ZBTB11: variants seen among roughly 807,000 people sequenced by gnomAD.
The protein encoded by ZBTB11 is zinc finger and BTB domain containing 11.
A neutral mutation model predicts 113.1 loss-of-function variants in ZBTB11; 68 were observed. That is an observed-to-expected ratio of 0.60 (90% CI 0.49 to 0.74). ZBTB11 has a LOEUF of 0.74. Among genes scored for constraint, ZBTB11 ranks in the 30% least tolerant of loss-of-function variants. The pLI, the probability that ZBTB11 is intolerant of heterozygous loss-of-function variation, is 0.00. For synonymous variants in ZBTB11, 518 were observed against 452.6 expected (o/e 1.14, Z -1.83); for missense variants, 1,104 against 1,279.4 (o/e 0.86, Z 2.09).
intron 3 of ZBTB11, among the ~76,000 whole-genome samples, chr3:101,667,223 G>A (rs933761641): frequency 4.6e-5 from 7 of 152,122 alleles, no homozygotes; most frequent in African/African-American, 1.7e-4. Context: ...ATATTTTGAA[G>A]AGATGGAGGT....
intron 3 of ZBTB11, among the ~76,000 whole-genome samples, chr3:101,668,074 G>A (rs11711079): frequency 0.3 from 45,686 of 151,498 alleles, 7,200 homozygotes; most frequent in Non-Finnish European, 0.34. Context: ...AAACCTGGAG[G>A]ACATCATGCT....
chr3:101,672,262 CAG>C, intron 1 of ZBTB11, 49 bp from the exon 2 acceptor site: 3 of 1,315,608 alleles, frequency 2.3e-6, no homozygotes, highest in Non-Finnish European at 3.2e-6. Context: ...TAACTGAAAA[CAG>C]AATATATTAT....
chr3:101,660,164 T>C (rs1442577818), intron 5 of ZBTB11, 136 bp from the exon 6 acceptor site: 1 of 857,814 alleles, frequency 1.2e-6, no homozygotes, highest in African/African-American at 1.7e-5. Context: ...CAATAGGTAC[T>C]AGATTGTAAA....
At position 101,649,382 on chromosome 3, in the gene ZBTB11, C is replaced by G. The variant is rs973679400; in HGVS notation, c.*1784G>C. On this transcript the variant is annotated 3_prime_UTR_variant, in exon 11 of 11. Transcript: ENST00000312938. The stretch of plus-strand genomic sequence containing the variant: ...CTTTAAAAATAAATTAACTTAATAA[C>G]ACATCAAGTAACAACTGATTTATGA... 6.6e-6 allele frequency: 1 copy of G among 152,176 alleles called. No homozygotes were observed. Among genetic ancestry groups the G allele is most frequent in the African/African-American group, 2.4e-5 (1 of 41,446 alleles). The allele number at this position is 152,176 out of a possible 1,614,324, so 9.4% of individuals were successfully genotyped here. A position where few individuals can be genotyped will look rare whatever the true frequency, so the allele number is the denominator to read the frequency against.
chr3:101,665,393 T>A lies in ZBTB11; in HGVS notation c.1194A>T (p.Ser398=), dbSNP rs755356274. 1 of 1,614,212 alleles carries A rather than the reference T, an allele frequency of 6.2e-7. No individual in the cohort carries two copies. Among genetic ancestry groups the A allele is most frequent in the Non-Finnish European group, 8.5e-7 (1 of 1,180,028 alleles). ...VSSEAESALS[S]VGCIADSHPE... is the part of the protein sequence containing the mutation. ...GATGGGAATCAGCTATACATCCTAC[T>A]GATGACAGGGCAGATTCAGCCTCTG... Residue 398 remains serine, a synonymous_variant, in exon 4 of 11, where the codon TCA becomes TCT. Coordinates refer to ENST00000312938, the MANE Select transcript of ZBTB11 (RefSeq NM_014415.4).
chr3:101,659,699 G>A (rs1936854708), intron 6 of ZBTB11, 84 bp downstream of exon 6: 4 of 1,504,454 alleles, frequency 2.7e-6, no homozygotes, highest in African/African-American at 1.4e-5. Context: ...AGTGACTTGA[G>A]AATACATATC....
At position 101,671,213 on chromosome 3, in the gene ZBTB11, A is replaced by G. The variant is rs936776048; in HGVS notation, c.695T>C (p.Leu232Ser). The change falls in exon 3 of 11, where the codon TTG (leucine) becomes TCG (serine). Residue 232 changes from leucine to serine, a missense_variant. Around this residue, in one of 5 missense-constraint regions of ZBTB11, gnomAD observed 86 missense variants for 131.0 expected, o/e 0.66. Transcript: ENST00000312938. ...TCGAAAATACTCGCTATTTGCTGAC[A>G]AAACAGATTTATGAGCTTTGTACTC... The part of the protein sequence containing the change: ...GEEYKAHKSV[L>S]SANSEYFRDL... 1 of 1,614,202 alleles carries G rather than the reference A, an allele frequency of 6.2e-7. No individual in the cohort carries two copies. The highest frequency in any genetic ancestry group is 8.5e-7 in the Non-Finnish European group (1 of 1,180,030).
Position 101,659,713 on chromosome 3 carries a change from C to A in ZBTB11, c.2046+70G>T, listed in dbSNP as rs187761443. 19 of 1,559,242 alleles carry A rather than the reference C, an allele frequency of 1.2e-5. No individual in the cohort carries two copies. The Admixed American group carries it at 3.0e-4, about 25-fold the overall frequency. ...GAGTGACTTGAGAATACATATCCCA[C>A]CAGTCTCTTTGGCACACATAGTTAA... On this transcript the variant is annotated intron_variant, in intron 6 of 10. Coordinates refer to ENST00000312938, the MANE Select transcript of ZBTB11 (RefSeq NM_014415.4).
chr3:101,660,998 G>A (rs1360036038), intron 5 of ZBTB11, among the ~76,000 whole-genome samples: 2 of 151,866 alleles, frequency 1.3e-5, no homozygotes, highest in African/African-American at 2.4e-5. Flanking sequence ...TTGGGAGCCC[G>A]AAGAGGGTGG....
chr3:101,675,427 T>C (rs531263855), intron 1 of ZBTB11, among the ~76,000 whole-genome samples: 4 of 152,378 alleles, frequency 2.6e-5, no homozygotes, highest in South Asian at 2.1e-4. Flanking sequence ...AAAAGAACTT[T>C]AGAAACTATT....
At chr3:101,655,332 C>A (rs182550500) in intron 7 of ZBTB11, among the ~76,000 whole-genome samples, 192 of 152,210 alleles carry the variant, frequency 1.3e-3, no homozygotes, top group Non-Finnish European at 2.3e-3. Context: ...GGGTATGACC[C>A]TAGTCATGTG....
chr3:101,659,639 G>A, intron 6 of ZBTB11, 144 bp downstream of exon 6: 2 of 971,314 alleles, frequency 2.1e-6, no homozygotes, highest in East Asian at 2.5e-5. Flanking sequence ...AATCACCTTT[G>A]ATCTAGGCAA....
At chr3:101,651,766 TAAAAA>T (rs1936707487) in intron 10 of ZBTB11, 83 bp from the exon 11 acceptor site, 1 of 1,378,764 alleles carries the variant, frequency 7.3e-7, no homozygotes, top group Non-Finnish European at 9.6e-7. Flanking sequence ...TTCCTTTTAT[TAAAAA>T]GTACAGTAGC....
At position 101,676,918 on chromosome 3, in the gene ZBTB11, G is replaced by C; in HGVS notation, c.-4C>G. ...GGTAGCTTTCCTCGCTTGACATCGC[G>C]GACCGCGGCTCCCTGAGGGCGCCTG... On this transcript the variant is annotated 5_prime_UTR_variant, in exon 1 of 11. Transcript: ENST00000312938. The C allele has an allele frequency of 6.4e-7, 1 of 1,559,896 alleles. No individual in the cohort carries two copies. The highest frequency in any genetic ancestry group is 1.2e-5 in the South Asian group (1 of 85,444).
rs1372707579 is a variant in ZBTB11 at position 101,664,848 on chromosome 3, G to C, written c.1623+116C>G. 5.4e-6 allele frequency: 8 copies of C among 1,475,480 alleles called. No homozygotes were observed. The Admixed American group carries it at 6.8e-5, about 13-fold the overall frequency. 91.4% of individuals were successfully genotyped at this position (1,475,480 alleles called of 1,614,324 possible). A position where few individuals can be genotyped will look rare whatever the true frequency, so the allele number is the denominator to read the frequency against. ...ATACTGGCATTTAAAACATTAAGTT[G>C]CTACCTTGTACCCATCTCACCTCCC... On this transcript the variant is annotated intron_variant, in intron 4 of 10. Transcript: ENST00000312938.
chr3:101,665,537 G>A lies in ZBTB11; in HGVS notation c.1050C>T (p.Thr350=), dbSNP rs1388216142. 14 of 1,614,166 alleles carry A rather than the reference G, an allele frequency of 8.7e-6. No individual in the cohort carries two copies. The highest frequency in any genetic ancestry group is 1.2e-5 in the Non-Finnish European group (14 of 1,180,024). The part of the protein sequence containing the change: ...TAPPVASSEG[T]TTSLPTELGD... ...CAAGTTCAGTAGGTAAACTTGTTGT[G>A]GTTCCCTCACTGCTAGCAACAGGAG... Residue 350 remains threonine (T), a synonymous_variant, in exon 4 of 11, where the codon ACC becomes ACT. Coordinates refer to ENST00000312938, the MANE Select transcript of ZBTB11 (RefSeq NM_014415.4).
At chr3:101,669,142 C>T (rs766541282) in intron 3 of ZBTB11, among the ~76,000 whole-genome samples, 3 of 152,132 alleles carry the variant, frequency 2.0e-5, no homozygotes, top group Non-Finnish European at 4.4e-5. Flanking sequence ...AAGTGATCCT[C>T]CTACCTCAGC....
chr3:101,676,396 A>G, intron 1 of ZBTB11: 1 of 480,884 alleles, frequency 2.1e-6, no homozygotes, highest in Non-Finnish European at 3.4e-6. Flanking sequence ...ACCCAGGGCC[A>G]GGGCCCGCCC....
In ZBTB11 at chr3:101,665,655, A is replaced by G; in HGVS notation, c.932T>C (p.Met311Thr). 1 of 1,614,180 alleles carries G rather than the reference A, an allele frequency of 6.2e-7. No individual in the cohort carries two copies. Among genetic ancestry groups the G allele is most frequent in the Non-Finnish European group, 8.5e-7 (1 of 1,180,022 alleles). ...LEICESVHKL[M>T]EEKQLTVYKK... Reference sequence around the variant, plus strand: ...ATATACTGTTAGCTGCTTCTCTTCCATTAGCTTATGTACACTTTCACAAAT... The same window carrying G: ...ATATACTGTTAGCTGCTTCTCTTCCGTTAGCTTATGTACACTTTCACAAAT... The change falls in exon 4 of 11, where the codon ATG becomes ACG. Residue 311 changes from methionine (M) to threonine (T), a missense_variant. Met to Thr is a moderately conservative substitution (Grantham distance 81). Around this residue, in one of 5 missense-constraint regions of ZBTB11, gnomAD observed 86 missense variants for 131.0 expected, o/e 0.66. Transcript: ENST00000312938.
Sources: allele counts gnomAD v4.1 joint callset (sites outside exome capture counted in the v4.1 genomes callset), GRCh38; gene constraint gnomAD v4.1.1; regional missense constraint gnomAD v4.1.1; transcripts MANE v1.5; gene names NCBI Gene and HGNC (gene_info 2026-07-23, HGNC 2026-07-21).